FYCO1: variants seen among roughly 807,000 people sequenced by gnomAD.
FYCO1 encodes the protein FYVE and coiled-coil domain autophagy adaptor 1.
In FYCO1, 122 loss-of-function variants were observed where a neutral mutation model predicts 165.1. The observed-to-expected ratio is 0.74, with a 90% confidence interval of 0.64 to 0.86. The LOEUF is 0.86. Ranked by LOEUF, FYCO1 falls within the 40% of genes least tolerant of loss-of-function variation. The pLI is 0.00. For missense variants in FYCO1, 1,702 were observed against 1,810.3 expected (o/e 0.94, Z 1.09); for synonymous variants, 648 against 742.5 (o/e 0.87, Z 2.07).
rs578184102 is a variant in FYCO1, at chr3:45,992,638, T to C, written c.-113+3084A>G. Reference sequence around the variant, plus strand: ...CCTACCTTTCTTTTTTCAGATGCAATGTTGAGAGGTAAACTTCCTTCATGT... The same window carrying C: ...CCTACCTTTCTTTTTTCAGATGCAACGTTGAGAGGTAAACTTCCTTCATGT... On this transcript the variant is annotated intron_variant, in intron 1 of 17. Transcript: ENST00000296137. Among the ~76,000 whole-genome samples the C allele has an allele frequency of 2.0e-5, 3 of 152,276 alleles. No homozygotes were observed. In the South Asian group the frequency reaches 6.2e-4, roughly 32 times the overall value.
chr3:45,966,838 C>G lies in FYCO1; in HGVS notation c.2496G>C (p.Glu832Asp). 1.2e-6 allele frequency: 2 copies of G among 1,611,634 alleles called. No individual in the cohort carries two copies. Among genetic ancestry groups the G allele is most frequent in the Non-Finnish European group, 1.7e-6 (2 of 1,180,024 alleles). ...EHKTLVQQLKEQNEALNRAHV... is the reference protein window; with the variant it reads ...EHKTLVQQLKDQNEALNRAHV... ...GGGCTCTGTTAAGGGCTTCATTCTG[C>G]TCCTTCAGCTGCTGCACAAGGGTTT... is the stretch of plus-strand genomic sequence containing the variant. The change falls in exon 8 of 18, where the codon GAG becomes GAC. Residue 832 changes from glutamate (E) to aspartate (D), a missense_variant. Physicochemically the swap from Glu to Asp is conservative, Grantham distance 45 (BLOSUM62 2). Transcript: ENST00000296137.
chr3:45,929,948 G>A (rs1352392195), intron 16 of FYCO1, among the ~76,000 whole-genome samples: 2 of 152,130 alleles, frequency 1.3e-5, no homozygotes, highest in Non-Finnish European at 2.9e-5. Flanking sequence ...TCCTAGCTGG[G>A]CTCTCCTGCT....
intron 4 of FYCO1, among the ~76,000 whole-genome samples, chr3:45,979,089 T>C (rs1277525056): frequency 1.7e-4 from 26 of 151,948 alleles, no homozygotes; most frequent in Admixed American, 1.6e-3. Context: ...CTCGATCTCC[T>C]GACCTCGTGA....
chr3:45,988,429 T>A (rs922935895), intron 1 of FYCO1, among the ~76,000 whole-genome samples: 5 of 152,182 alleles, frequency 3.3e-5, no homozygotes, highest in Admixed American at 6.5e-5. Context: ...ACCAGCCTGA[T>A]CCTGACATCT....
chr3:45,976,933 A>C (rs1706788997), intron 4 of FYCO1, among the ~76,000 whole-genome samples: 1 of 152,224 alleles, frequency 6.6e-6, no homozygotes, highest in Admixed American at 6.5e-5. Flanking sequence ...CCTGGAAGTG[A>C]AGGCAGGCAG....
intron 1 of FYCO1, among the ~76,000 whole-genome samples, chr3:45,987,939 G>A (rs1707383678): frequency 6.6e-6 from 1 of 152,216 alleles, no homozygotes; most frequent in East Asian, 1.9e-4. Flanking sequence ...AAGACTTCTT[G>A]GTGCTTTGGT....
At chr3:45,936,231 C>A (rs141907188) in intron 15 of FYCO1, among the ~76,000 whole-genome samples, 4 of 152,218 alleles carry the variant, frequency 2.6e-5, no homozygotes, top group African/African-American at 9.6e-5. Context: ...ATCTTAATTG[C>A]GGTAGTGATC....
At chr3:45,956,336 A>G (rs1705320022) in intron 13 of FYCO1, among the ~76,000 whole-genome samples, 1 of 112,160 alleles carries the variant, frequency 8.9e-6, no homozygotes, top group Non-Finnish European at 1.7e-5. Flanking sequence ...ACTTAGTCTC[A>G]AAAATAAATA....
intron 5 of FYCO1, 107 bp downstream of exon 5, chr3:45,975,132 C>T (rs750699819): frequency 1.3e-5 from 11 of 829,724 alleles, no homozygotes; most frequent in African/African-American, 1.0e-4. Context: ...TGCAGTGTCA[C>T]GGGGGACACA....
rs57543574 is a variant in FYCO1 at position 45,977,350 on chromosome 3, AATATATATATATAT to A, written c.289-2019_289-2006del. On this transcript the variant is annotated intron_variant, in intron 4 of 17. Transcript: ENST00000296137. ...TTAATCAGGCCCATTAACTGAATTA[AATATATATATATAT>A]ATATATATATATATATATATATATA... is the stretch of plus-strand genomic sequence containing the variant. 1.3e-3 allele frequency among the ~76,000 whole-genome samples: 149 copies of A among 112,638 alleles called. 2 individuals are homozygous for A. Among genetic ancestry groups the A allele is most frequent in the African/African-American group, 3.0e-3 (72 of 24,294 alleles). The allele number at this position is 112,638 out of a possible 152,430, so 73.9% of individuals were successfully genotyped here.
intron 14 of FYCO1, chr3:45,947,008 A>G: frequency 6.2e-7 from 1 of 1,614,160 alleles, no homozygotes; most frequent in Non-Finnish European, 8.5e-7. Context: ...TTTAATCTCG[A>G]CAAGCTCATA....
At chr3:45,974,550 G>A (rs373795225) in intron 5 of FYCO1, among the ~76,000 whole-genome samples, 1 of 152,150 alleles carries the variant, frequency 6.6e-6, no homozygotes, top group South Asian at 2.1e-4. Flanking sequence ...TTTTCCCTTT[G>A]TAGTTTTTTT....
intron 3 of FYCO1, among the ~76,000 whole-genome samples, chr3:45,980,676 G>A (rs549250696): frequency 6.6e-5 from 10 of 152,314 alleles, no homozygotes; most frequent in Non-Finnish European, 1.0e-4. Context: ...CGCATACTAC[G>A]TGCTTTGGTG....
chr3:45,955,258 G>C lies in FYCO1; in HGVS notation c.3935C>G (p.Ala1312Gly), dbSNP rs140583635. Residue 1312 changes from alanine to glycine, a missense_variant, in exon 14 of 18, where the codon GCG (alanine) becomes GGG (glycine). Transcript: ENST00000296137. ...GGTGACCTCTACTCACTGTTCAGCCGCATTTGGGTCGAGAGAATCAGTTTC... is the reference window on the plus strand; with the variant it reads ...GGTGACCTCTACTCACTGTTCAGCCCCATTTGGGTCGAGAGAATCAGTTTC... ...PTETDSLDPNAAEQDTTSTSL... is the reference protein window; with the variant it reads ...PTETDSLDPNGAEQDTTSTSL... 1 of 1,613,946 alleles carries C rather than the reference G, an allele frequency of 6.2e-7. No homozygotes were observed. Among genetic ancestry groups the C allele is most frequent in the South Asian group, 1.1e-5 (1 of 91,070 alleles).
At chr3:45,931,948 A>G (rs1426481902) in intron 15 of FYCO1, among the ~76,000 whole-genome samples, 1 of 152,166 alleles carries the variant, frequency 6.6e-6, no homozygotes, top group Admixed American at 6.5e-5. Context: ...AGAAGTTTAT[A>G]AGGTTCATTG....
chr3:45,969,846 C>A (rs1382943831), intron 6 of FYCO1, 81 bp from the exon 7 acceptor site: 3 of 1,181,004 alleles, frequency 2.5e-6, no homozygotes, highest in Non-Finnish European at 3.7e-6. Context: ...ACTAGGCAAC[C>A]AGGTGGTGGT....
chr3:45,963,489 G>A (rs1281521860), intron 10 of FYCO1, among the ~76,000 whole-genome samples: 1 of 152,166 alleles, frequency 6.6e-6, no homozygotes, highest in Non-Finnish European at 1.5e-5. Context: ...AAGATATCCT[G>A]GATCTCCTAC....
chr3:45,946,955 A>G, intron 14 of FYCO1: 2 of 1,614,208 alleles, frequency 1.2e-6, no homozygotes, highest in Non-Finnish European at 8.5e-7. Context: ...TCTGGGTGAT[A>G]TCCCTGCTGG....
intron 2 of FYCO1, among the ~76,000 whole-genome samples, chr3:45,983,726 C>G (rs1352131559): frequency 6.6e-6 from 1 of 152,194 alleles, no homozygotes; most frequent in African/African-American, 2.4e-5. Context: ...CTTTCTCTGC[C>G]TCTCTGTGTA....
Sources: gnomAD v4.1 joint callset for allele counts (sites outside exome capture counted in the v4.1 genomes callset) on GRCh38, gnomAD v4.1.1 for gene constraint, MANE v1.5 for transcripts, NCBI Gene and HGNC (gene_info 2026-07-23, HGNC 2026-07-21) for gene names.